The following MAPKAPK5 variants were observed in gnomAD, a reference collection of about 807,000 sequenced individuals.
The protein encoded by MAPKAPK5 is MAPK activated protein kinase 5, also known as MAP kinase-activated protein kinase 5.
In MAPKAPK5, 30 loss-of-function variants were observed where a neutral mutation model predicts 65.1. The observed-to-expected ratio is 0.46, with a 90% CI of 0.34 to 0.63. MAPKAPK5 has a LOEUF of 0.63. MAPKAPK5 is among the 20% of genes least tolerant of loss of function. The pLI is 0.01. For synonymous variants in MAPKAPK5, 179 were observed against 204.6 expected, an observed-to-expected ratio of 0.87 and a Z score of 1.07; for missense variants, 433 against 581.4, an observed-to-expected ratio of 0.74 and a Z score of 2.63.
At chr12:111,889,104 T>C (rs1593185172) in intron 12 of MAPKAPK5, 104 bp downstream of exon 12, 1 of 1,301,880 alleles carries the variant, frequency 7.7e-7, no homozygotes, top group Non-Finnish European at 1.1e-6. Context: ...GGTTTAATTT[T>C]GGGTTGTCTG....
In MAPKAPK5 at chr12:111,893,100, A is replaced by C; in HGVS notation, c.*39A>C. The stretch of plus-strand genomic sequence containing the variant: ...CTTTGTTTTTTTAACAATTTGAAAA[A>C]TTATTCTTTAATGTATAAAGTAATT... On this transcript the variant is annotated 3_prime_UTR_variant, in exon 14 of 14. Transcript: ENST00000550735. 7.2e-7 allele frequency: 1 copy of C among 1,393,354 alleles called. No individual in the cohort carries two copies. The highest frequency in any genetic ancestry group is 9.8e-7 in the Non-Finnish European group (1 of 1,023,288). 86.3% of individuals were successfully genotyped at this position (1,393,354 alleles called of 1,614,324 possible).
At position 111,897,686 on chromosome 12, in the gene MAPKAPK5, T is replaced by C. The variant is rs952681456; in HGVS notation, c.*4625T>C. ...GCTGTAAATTTTTTTAGTGGGTTTGTGACAGTATAAATTTTCTTGCTAGAT... is the reference window on the plus strand; with the variant it reads ...GCTGTAAATTTTTTTAGTGGGTTTGCGACAGTATAAATTTTCTTGCTAGAT... On this transcript the variant is annotated 3_prime_UTR_variant, in exon 14 of 14. Coordinates refer to ENST00000550735, the MANE Select transcript of MAPKAPK5 (RefSeq NM_003668.4). The C allele has an allele frequency of 2.0e-5, 3 of 152,322 alleles. No individual in the cohort carries two copies. The highest frequency in any genetic ancestry group is 7.2e-5 in the African/African-American group (3 of 41,588). The allele number at this position is 152,322 out of a possible 1,614,324, so 9.4% of individuals were successfully genotyped here.
At chr12:111,881,545 C>T (rs1419504369) in intron 8 of MAPKAPK5, among the ~76,000 whole-genome samples, 4 of 151,924 alleles carry the variant, frequency 2.6e-5, no homozygotes, top group African/African-American at 9.7e-5. Context: ...GCTGGGATTA[C>T]AGGCGCCTGC....
At chr12:111,881,403 CTTTTTTTTTT>C (rs61349417) in intron 8 of MAPKAPK5, among the ~76,000 whole-genome samples, 2 of 110,728 alleles carry the variant, frequency 1.8e-5, no homozygotes, top group Non-Finnish European at 3.7e-5. Flanking sequence ...CTGTCTGTTC[CTTTTTTTTTT>C]TTTTTTTTTG....
rs2070908888 is a variant in MAPKAPK5, at chr12:111,898,757, A to C, written c.*5696A>C. ...GCTGAACTGATAAATGGTACCCTGA[A>C]AACTGCAGAAATGAGGGAAAGAGGC... On this transcript the variant is annotated 3_prime_UTR_variant, in exon 14 of 14. Transcript: ENST00000550735. 6.6e-6 allele frequency: 1 copy of C among 152,234 alleles called. No individual in the cohort carries two copies. Among genetic ancestry groups the C allele is most frequent in the Admixed American group, 6.5e-5 (1 of 15,280 alleles). The allele number at this position is 152,234 out of a possible 1,614,324, so 9.4% of individuals were successfully genotyped here.
At chr12:111,871,241 C>T (rs1455297547) in intron 7 of MAPKAPK5, 61 bp downstream of exon 7, 5 of 1,387,434 alleles carry the variant, frequency 3.6e-6, no homozygotes, top group Non-Finnish European at 4.1e-6. Flanking sequence ...ACTCGTGTTC[C>T]TTCTATTCTA....
At chr12:111,872,328 AC>A (rs2069810466) in intron 7 of MAPKAPK5, among the ~76,000 whole-genome samples, 1 of 152,140 alleles carries the variant, frequency 6.6e-6, no homozygotes, top group South Asian at 2.1e-4. Flanking sequence ...GCAGAGTATT[AC>A]TTCATTATAG....
intron 1 of MAPKAPK5, among the ~76,000 whole-genome samples, chr12:111,862,626 G>A (rs541392297): frequency 3.9e-5 from 6 of 152,158 alleles, no homozygotes; most frequent in East Asian, 1.9e-4. Context: ...GCTTGAACTC[G>A]GGAGGCAGTG....
In MAPKAPK5 at chr12:111,883,830, G is replaced by T; in HGVS notation, c.848+62G>T. Reference sequence around the variant, plus strand: ...GGCCTCCAGGTGGTGGAGCACAAGGGAATGTGGGTAGAGAAAAGTCACTGG... The same window carrying T: ...GGCCTCCAGGTGGTGGAGCACAAGGTAATGTGGGTAGAGAAAAGTCACTGG... On this transcript the variant is annotated intron_variant, in intron 9 of 13. Coordinates refer to ENST00000550735, the MANE Select transcript of MAPKAPK5 (RefSeq NM_003668.4). This position sits in a 1 kb window ranked among gnomAD's most constrained non-coding sequence, Gnocchi z 4.8. 6.5e-7 allele frequency: 1 copy of T among 1,527,730 alleles called. No individual in the cohort carries two copies. The highest frequency in any genetic ancestry group is 1.2e-5 in the South Asian group (1 of 82,260). 94.6% of individuals were successfully genotyped at this position (1,527,730 alleles called of 1,614,324 possible). A position where few individuals can be genotyped will look rare whatever the true frequency, so the allele number is the denominator to read the frequency against.
chr12:111,868,971 A>ATTTAAGCTCTAT, intron 5 of MAPKAPK5, 110 bp downstream of exon 5: 1 of 782,008 alleles, frequency 1.3e-6, no homozygotes, highest in Non-Finnish European at 2.1e-6. Flanking sequence ...TTGACTTCTC[A>ATTTAAGCTCTAT]TTGCCTGCTT....
intron 1 of MAPKAPK5, among the ~76,000 whole-genome samples, chr12:111,864,373 G>A (rs903793176): frequency 2.0e-5 from 3 of 152,174 alleles, no homozygotes; most frequent in African/African-American, 7.2e-5. Context: ...GCTAATTTTC[G>A]TAGTTTTTAG....
chr12:111,850,419 C>T (rs559968707), intron 1 of MAPKAPK5, among the ~76,000 whole-genome samples: 13 of 152,056 alleles, frequency 8.5e-5, no homozygotes, highest in African/African-American at 2.7e-4. Flanking sequence ...TAATATTTTT[C>T]GAGAAAAAGT....
At position 111,866,248 on chromosome 12, in the gene MAPKAPK5, C is replaced by T. The variant is rs766992457; in HGVS notation, c.186+17C>T. On this transcript the variant is annotated intron_variant, in intron 3 of 13. Coordinates refer to ENST00000550735, the MANE Select transcript of MAPKAPK5 (RefSeq NM_003668.4). ...AGAAATGAGGTATGCTTTATTGCCT[C>T]GACTTAATTAAATAGTTGAAGTGCC... 15 of 1,598,962 alleles carry T rather than the reference C, an allele frequency of 9.4e-6. 1 individual carries two copies. The highest frequency in any genetic ancestry group is 6.8e-5 in the South Asian group (6 of 88,466).
At chr12:111,857,056 C>T (rs146043028) in intron 1 of MAPKAPK5, among the ~76,000 whole-genome samples, 1 of 152,172 alleles carries the variant, frequency 6.6e-6, no homozygotes, top group Admixed American at 6.5e-5. Flanking sequence ...TGGTAATATA[C>T]AGCACCTTTG....
chr12:111,890,213 C>T (rs1406599399), intron 13 of MAPKAPK5, 69 bp downstream of exon 13: 1 of 1,169,654 alleles, frequency 8.5e-7, no homozygotes, highest in Non-Finnish European at 1.2e-6. Context: ...CATATAGGAT[C>T]TCTTTGGGGC....
At chr12:111,842,849 T>A (rs2068760914) in intron 1 of MAPKAPK5, 80 bp downstream of exon 1, 2 of 1,232,980 alleles carry the variant, frequency 1.6e-6, no homozygotes, top group Non-Finnish European at 2.1e-6. Flanking sequence ...GCAGGGAGAT[T>A]TTGCAGTGAG....
chr12:111,898,102 T>C lies in MAPKAPK5; in HGVS notation c.*5041T>C, dbSNP rs759538767. 2 of 152,072 alleles carry C rather than the reference T, an allele frequency of 1.3e-5. No individual in the cohort carries two copies. Among genetic ancestry groups the C allele is most frequent in the East Asian group, 1.9e-4 (1 of 5,202 alleles). The allele number at this position is 152,072 out of a possible 1,614,324, so 9.4% of individuals were successfully genotyped here. ...CGAAGAAATCTTTTAAAAGTTCTTATATAGCCCAGTTTTCTTTTCTTGATG... is the reference window on the plus strand; with the variant it reads ...CGAAGAAATCTTTTAAAAGTTCTTACATAGCCCAGTTTTCTTTTCTTGATG... On this transcript the variant is annotated 3_prime_UTR_variant, in exon 14 of 14. Transcript: ENST00000550735.
chr12:111,878,716 G>A (rs977150891), intron 7 of MAPKAPK5, among the ~76,000 whole-genome samples: 10 of 152,016 alleles, frequency 6.6e-5, no homozygotes, highest in East Asian at 3.9e-4. Context: ...ACCATGCCCC[G>A]CCTTAATTTT....
intron 1 of MAPKAPK5, among the ~76,000 whole-genome samples, chr12:111,851,201 A>G (rs1263158493): frequency 6.6e-6 from 1 of 150,640 alleles, no homozygotes; most frequent in Non-Finnish European, 1.5e-5. Context: ...CCCGGCCAGG[A>G]CTGCCTTTTA....
Sources: gnomAD v4.1 joint callset for allele counts (sites outside exome capture counted in the v4.1 genomes callset) on GRCh38, gnomAD v4.1.1 for gene constraint, Gnocchi (gnomAD v3.1) non-coding constraint, MANE v1.5 for transcripts, NCBI Gene and HGNC (gene_info 2026-07-23, HGNC 2026-07-21) for gene names.